CPOX: variants seen among roughly 807,000 people sequenced by gnomAD.
CPOX encodes the protein oxygen-dependent coproporphyrinogen-III oxidase, mitochondrial.
In CPOX, 24 loss-of-function variants were observed where a neutral mutation model predicts 48.9. That is an observed-to-expected ratio of 0.49 (90% confidence interval 0.36 to 0.69). The LOEUF is 0.69. Among genes scored for constraint, CPOX ranks in the 30% least tolerant of loss-of-function variants. The pLI is 0.00. For missense variants in CPOX, 549 were observed against 597.3 expected, an observed-to-expected ratio of 0.92 and a Z score of 0.84; for synonymous variants, 249 against 234.6, an observed-to-expected ratio of 1.06 and a Z score of -0.56.
downstream of CPOX, among the ~76,000 whole-genome samples, chr3:98,576,721 C>G (rs1243885965): frequency 6.6e-6 from 1 of 151,984 alleles, no homozygotes; most frequent in Non-Finnish European, 1.5e-5. Flanking sequence ...AGGGATAATA[C>G]AATACATCCT....
chr3:98,582,840 A>G (rs759204724), intron 5 of CPOX, among the ~76,000 whole-genome samples: 14 of 152,220 alleles, frequency 9.2e-5, no homozygotes, highest in South Asian at 2.1e-4. Context: ...GAACTTGTCA[A>G]AAGCCCTGCA....
chr3:98,593,267 C>G lies in CPOX; in HGVS notation c.238G>C (p.Ala80Pro). 1 of 1,505,142 alleles carries G rather than the reference C, an allele frequency of 6.6e-7. No individual in the cohort carries two copies. The highest frequency in any genetic ancestry group is 1.3e-5 in the South Asian group (1 of 75,862). The allele number at this position is 1,505,142 out of a possible 1,614,324, so 93.2% of individuals were successfully genotyped here. ...AGCCCCACCAACCCCGCCAGCGCCGCGGCCAGCCCTGTCCCCACCCAGGGG... is the reference window on the plus strand; with the variant it reads ...AGCCCCACCAACCCCGCCAGCGCCGGGGCCAGCCCTGTCCCCACCCAGGGG... ...GGPWVGTGLA[A>P]ALAGLVGLAT... Residue 80 changes from alanine (A) to proline (P), a missense_variant, in exon 1 of 7, where the codon GCG becomes CCG. Ala to Pro is a conservative substitution (Grantham distance 27, BLOSUM62 -1). Coordinates refer to ENST00000647941, the MANE Select transcript of CPOX (RefSeq NM_000097.7).
chr3:98,585,435 A>G lies in CPOX; in HGVS notation c.1172+6T>C. ...CCATGAAAGAATTCGTTTTCCAGTCACTTACCGTCCTCTTCTGAGCTGCTG... is the reference window on the plus strand; with the variant it reads ...CCATGAAAGAATTCGTTTTCCAGTCGCTTACCGTCCTCTTCTGAGCTGCTG... On this transcript the variant is annotated splice_donor_region_variant and intron_variant, in intron 5 of 6. Coordinates refer to ENST00000647941, the MANE Select transcript of CPOX (RefSeq NM_000097.7). 6.2e-7 allele frequency: 1 copy of G among 1,613,000 alleles called. No individual in the cohort carries two copies. Among genetic ancestry groups the G allele is most frequent in the Non-Finnish European group, 8.5e-7 (1 of 1,179,426 alleles).
chr3:98,587,265 T>TC (rs1559677014), intron 4 of CPOX, among the ~76,000 whole-genome samples: 1 of 152,090 alleles, frequency 6.6e-6, no homozygotes, highest in African/African-American at 2.4e-5. Flanking sequence ...AAAAAGTATA[T>TC]CCTGAGTAAA....
downstream of CPOX, among the ~76,000 whole-genome samples, chr3:98,578,446 G>A (rs990507702): frequency 6.6e-6 from 1 of 152,036 alleles, no homozygotes; most frequent in African/African-American, 2.4e-5. Flanking sequence ...ATTTTTCCTA[G>A]TATTAGATTT....
Position 98,580,433 on chromosome 3 carries a change from TG to T in CPOX, c.*249del. 7.6e-7 allele frequency: 1 copy of T among 1,313,552 alleles called. No homozygotes were observed. Among genetic ancestry groups the T allele is most frequent in the Non-Finnish European group, 9.8e-7 (1 of 1,025,436 alleles). 81.4% of individuals were successfully genotyped at this position (1,313,552 alleles called of 1,614,324 possible). On this transcript the variant is annotated 3_prime_UTR_variant, in exon 7 of 7. Transcript: ENST00000647941. Reference sequence around the variant, plus strand: ...TACTTGGAAACTCAATGTCCTATTTTGTAAACTAGTCATATAAAATGACACT... The same window carrying T: ...TACTTGGAAACTCAATGTCCTATTTTTAAACTAGTCATATAAAATGACACT...
intron 6 of CPOX, 23 bp from the exon 7 acceptor site, chr3:98,580,793 C>CA (rs753812782): frequency 1.9e-5 from 31 of 1,606,242 alleles, no homozygotes; most frequent in Admixed American, 1.2e-4. Context: ...AAAACAAAAG[C>CA]AAAAAACGTC....
At chr3:98,577,120 T>C (rs188274444), downstream of CPOX, among the ~76,000 whole-genome samples, 311 of 151,984 alleles carry the variant, frequency 2.0e-3, 4 homozygotes, top group African/African-American at 7.0e-3. Flanking sequence ...AGCAGCAGCC[T>C]GAGAAAAGGC....
chr3:98,571,487 G>A, the CPOX span, among the ~76,000 whole-genome samples: 1 of 151,650 alleles, frequency 6.6e-6, no homozygotes, highest in Non-Finnish European at 1.5e-5. Flanking sequence ...AGGAGATCGA[G>A]ACCATCCCGG....
At chr3:98,571,495 C>G in the CPOX span, among the ~76,000 whole-genome samples, 1 of 151,096 alleles carries the variant, frequency 6.6e-6, no homozygotes. Flanking sequence ...GAGACCATCC[C>G]GGCTAAAACG....
intron 5 of CPOX, among the ~76,000 whole-genome samples, chr3:98,582,773 G>C (rs765875724): frequency 6.6e-6 from 1 of 152,262 alleles, no homozygotes; most frequent in South Asian, 2.1e-4. Context: ...TTACAGGCGT[G>C]AGCCACCACG....
intron 5 of CPOX, among the ~76,000 whole-genome samples, chr3:98,582,760 G>A (rs188376442): frequency 4.2e-4 from 64 of 152,200 alleles, no homozygotes; most frequent in Admixed American, 4.2e-3. Flanking sequence ...CAAAGTGCTA[G>A]GATTACAGGC....
In CPOX at chr3:98,585,674, G is replaced by A. The variant is rs200327383; in HGVS notation, c.954-15C>T. 9.6e-5 allele frequency: 154 copies of A among 1,598,666 alleles called. No homozygotes were observed. Among genetic ancestry groups the A allele is most frequent in the East Asian group, 7.6e-4 (34 of 44,788 alleles). On this transcript the variant is annotated splice_polypyrimidine_tract_variant and intron_variant, in intron 4 of 6. Transcript: ENST00000647941. ...AATCATCACACCTGGAAAACACAGC[G>A]GCGCCAAACCAGGGATCAAATGGAA...
At chr3:98,589,045 C>T (rs1356290027) in intron 3 of CPOX, among the ~76,000 whole-genome samples, 191 bp from the exon 4 acceptor site, 2 of 152,200 alleles carry the variant, frequency 1.3e-5, no homozygotes, top group East Asian at 1.9e-4. Flanking sequence ...AGCGGCCAGG[C>T]GAGGTGGCTC....
At chr3:98,591,986 T>G (rs116619475) in intron 1 of CPOX, among the ~76,000 whole-genome samples, 6,863 of 77,398 alleles carry the variant, frequency 0.089, 343 homozygotes, top group African/African-American at 0.28. Flanking sequence ...TATATATATG[T>G]ATATGGATAT....
At chr3:98,590,418 G>T in intron 3 of CPOX, 1 of 582,892 alleles carries the variant, frequency 1.7e-6, no homozygotes, top group Non-Finnish European at 3.1e-6. Context: ...CAAAGTGCTG[G>T]GATTACAGGT....
At position 98,580,415 on chromosome 3, in the gene CPOX, A is replaced by C; in HGVS notation, c.*268T>G. 7.9e-7 allele frequency: 1 copy of C among 1,262,444 alleles called. No individual in the cohort carries two copies. The highest frequency in any genetic ancestry group is 1.8e-5 in the South Asian group (1 of 55,206). The allele number at this position is 1,262,444 out of a possible 1,614,324, so 78.2% of individuals were successfully genotyped here. On this transcript the variant is annotated 3_prime_UTR_variant, in exon 7 of 7. Coordinates refer to ENST00000647941, the MANE Select transcript of CPOX (RefSeq NM_000097.7). Reference sequence around the variant, plus strand: ...TATATTCCCTTATCTCAATACTTGGAAACTCAATGTCCTATTTTGTAAACT... The same window carrying C: ...TATATTCCCTTATCTCAATACTTGGCAACTCAATGTCCTATTTTGTAAACT...
chr3:98,579,901 A>T lies in CPOX; in HGVS notation c.*782T>A. 1.1e-5 allele frequency: 11 copies of T among 985,666 alleles called. No homozygotes were observed. The highest frequency in any genetic ancestry group is 1.3e-5 in the Non-Finnish European group (11 of 829,722). The allele number at this position is 985,666 out of a possible 1,614,324, so 61.1% of individuals were successfully genotyped here. A position where few individuals can be genotyped will look rare whatever the true frequency, so the allele number is the denominator to read the frequency against. On this transcript the variant is annotated 3_prime_UTR_variant, in exon 7 of 7. Coordinates refer to ENST00000647941, the MANE Select transcript of CPOX (RefSeq NM_000097.7). The stretch of plus-strand genomic sequence containing the variant: ...TTATTCTTAGTCTCAACTTCCACAC[A>T]GAGATGTCTGAAATAGAAAACTCTT...
rs1707521554 is a variant in CPOX at position 98,593,304 on chromosome 3, C to G, written c.201G>C (p.Thr67=). The G allele has an allele frequency of 6.9e-7, 1 of 1,439,718 alleles. No homozygotes were observed. The highest frequency in any genetic ancestry group is 1.5e-5 in the South Asian group (1 of 67,392). The allele number at this position is 1,439,718 out of a possible 1,614,324, so 89.2% of individuals were successfully genotyped here. Residue 67 remains threonine (T), a synonymous_variant, in exon 1 of 7, where the codon ACG becomes ACC. Transcript: ENST00000647941. ...EQSRGLGHGS[T]SRGGPWVGTG... ...TCCCCACCCAGGGGCCGCCTCTCGA[C>G]GTCGAGCCGTGCCCCAGCCCGCGGC... is the stretch of plus-strand genomic sequence containing the variant.
Sources: gnomAD v4.1 joint callset for allele counts (sites outside exome capture counted in the v4.1 genomes callset) on GRCh38, gnomAD v4.1.1 for gene constraint, MANE v1.5 for transcripts, NCBI Gene and HGNC (gene_info 2026-07-23, HGNC 2026-07-21) for gene names.